EYA2: variants seen among roughly 807,000 people sequenced by gnomAD.
EYA2 encodes EYA transcriptional coactivator and phosphatase 2.
EYA2 carries 31 observed loss-of-function variants against 69.2 expected under a neutral mutation model. The ratio of observed to expected loss-of-function variants is 0.45; its 90% CI spans 0.34 to 0.60. The LOEUF (loss-of-function observed/expected upper bound fraction) is 0.60. Among genes scored for constraint, EYA2 ranks in the 20% least tolerant of loss-of-function variants. The pLI, the probability that EYA2 is intolerant of heterozygous loss-of-function variation, is 0.02. For missense variants in EYA2, 622 were observed against 701.2 expected, an observed-to-expected ratio of 0.89 and a Z score of 1.28; for synonymous variants, 257 against 279.4, an observed-to-expected ratio of 0.92 and a Z score of 0.80.
intron 10 of EYA2, among the ~76,000 whole-genome samples, chr20:47,158,059 CTT>C (rs1197489956): frequency 6.6e-6 from 1 of 152,006 alleles, no homozygotes; most frequent in Non-Finnish European, 1.5e-5. Flanking sequence ...CCCTGTGACT[CTT>C]TACAGAAGTT....
At chr20:47,160,234 G>A (rs77258463) in intron 10 of EYA2, among the ~76,000 whole-genome samples, 1,601 of 152,178 alleles carry the variant, frequency 0.011, 66 homozygotes, top group East Asian at 0.078. Context: ...CTACACCAGG[G>A]GTCAACAAAC....
At chr20:47,049,872 C>A (rs896980823) in intron 5 of EYA2, among the ~76,000 whole-genome samples, 1 of 148,254 alleles carries the variant, frequency 6.7e-6, no homozygotes, top group Non-Finnish European at 1.5e-5. Context: ...CCCCCCCCCA[C>A]CGCCACCAGT....
chr20:46,951,568 G>A (rs1402284527), intron 1 of EYA2, among the ~76,000 whole-genome samples: 1 of 152,182 alleles, frequency 6.6e-6, no homozygotes, highest in Non-Finnish European at 1.5e-5. Context: ...TCCCACAACA[G>A]CCCTGAAGGG....
At chr20:47,101,596 A>G (rs2032424897) in intron 9 of EYA2, among the ~76,000 whole-genome samples, 1 of 152,246 alleles carries the variant, frequency 6.6e-6, no homozygotes, top group African/African-American at 2.4e-5. Flanking sequence ...GAGGACAACT[A>G]GCAATTTCTA....
intron 6 of EYA2, among the ~76,000 whole-genome samples, chr20:47,072,981 A>G (rs985995192): frequency 1.3e-5 from 2 of 152,236 alleles, no homozygotes; most frequent in African/African-American, 4.8e-5. Context: ...AGCAAATGTA[A>G]AAATTGTTTC....
intron 9 of EYA2, among the ~76,000 whole-genome samples, chr20:47,133,731 C>T (rs1375782785): frequency 6.6e-6 from 1 of 152,184 alleles, no homozygotes; most frequent in African/African-American, 2.4e-5. Context: ...CAGGGGAGCA[C>T]GGACACTCCA....
intron 1 of EYA2, among the ~76,000 whole-genome samples, chr20:46,940,289 A>G (rs186252156): frequency 6.6e-6 from 1 of 152,304 alleles, no homozygotes; most frequent in East Asian, 1.9e-4. Flanking sequence ...TCACACATCA[A>G]CTCACATAAT....
chr20:47,062,731 G>A (rs1160560954), intron 5 of EYA2, among the ~76,000 whole-genome samples: 3 of 152,104 alleles, frequency 2.0e-5, no homozygotes, highest in East Asian at 3.8e-4. Flanking sequence ...AGCCTTCTGC[G>A]GTGAATCTCA....
chr20:46,907,638 A>G (rs986219375), intron 1 of EYA2, among the ~76,000 whole-genome samples: 1 of 152,240 alleles, frequency 6.6e-6, no homozygotes, highest in African/African-American at 2.4e-5. Context: ...CAGAAGTTCG[A>G]GACCAGCCTG....
At chr20:47,117,314 ATCT>A in intron 9 of EYA2, 1 of 959,426 alleles carries the variant, frequency 1.0e-6, no homozygotes, top group East Asian at 1.2e-4. Flanking sequence ...CCAGCCAAGC[ATCT>A]GCATTTAACT....
At chr20:46,931,940 G>T (rs1318837956) in intron 1 of EYA2, among the ~76,000 whole-genome samples, 1 of 150,604 alleles carries the variant, frequency 6.6e-6, no homozygotes, top group African/African-American at 2.5e-5. Context: ...GCCACAAATA[G>T]CTTGAACACT....
intron 9 of EYA2, among the ~76,000 whole-genome samples, chr20:47,103,980 T>G (rs1031433983): frequency 6.6e-6 from 1 of 152,238 alleles, no homozygotes; most frequent in Admixed American, 6.5e-5. Context: ...CTGGGCCACA[T>G]GGTAACTCTA....
rs184652636 is a variant in EYA2, at chr20:46,975,901, T to C, written c.-10-14100T>C. ...TTTTATTTTTTATTGTATGCCAAGC[T>C]CATATGAATGAGAATTCATCAAGCA... On this transcript the variant is annotated intron_variant, in intron 1 of 15. Coordinates refer to ENST00000327619, the MANE Select transcript of EYA2 (RefSeq NM_005244.5). 1.2e-3 allele frequency among the ~76,000 whole-genome samples: 188 copies of C among 152,272 alleles called. 2 individuals are homozygous for C. The highest frequency in any genetic ancestry group is 4.1e-4 in the South Asian group (2 of 4,824).
At chr20:46,987,647 G>A (rs1981319454) in intron 1 of EYA2, among the ~76,000 whole-genome samples, 1 of 151,980 alleles carries the variant, frequency 6.6e-6, no homozygotes, top group Non-Finnish European at 1.5e-5. Flanking sequence ...GGGGAGTGGG[G>A]CAAGCACAGT....
chr20:47,050,156 G>T (rs2030255003), intron 5 of EYA2, among the ~76,000 whole-genome samples: 2 of 152,200 alleles, frequency 1.3e-5, no homozygotes, highest in African/African-American at 2.4e-5. Flanking sequence ...TCCCAATGGG[G>T]CAAGGAGTCT....
chr20:47,168,736 C>A (rs550946305), intron 10 of EYA2, among the ~76,000 whole-genome samples: 1 of 152,252 alleles, frequency 6.6e-6, no homozygotes, highest in African/African-American at 2.4e-5. Flanking sequence ...GGGGGAACAC[C>A]TTTAGCGAGG....
intron 5 of EYA2, among the ~76,000 whole-genome samples, chr20:47,053,919 G>A (rs2030468757): frequency 2.0e-5 from 3 of 151,792 alleles, no homozygotes; most frequent in African/African-American, 4.8e-5. Context: ...GACTCAAGGC[G>A]GACTGCTGCA....
chr20:47,053,751 G>A (rs1390799248), intron 5 of EYA2, among the ~76,000 whole-genome samples: 1 of 151,318 alleles, frequency 6.6e-6, no homozygotes, highest in East Asian at 2.0e-4. Flanking sequence ...TGGTTCTTGG[G>A]AGATAGAAGA....
chr20:46,992,092 G>C (rs564294384), intron 2 of EYA2, among the ~76,000 whole-genome samples: 1 of 151,066 alleles, frequency 6.6e-6, no homozygotes, highest in Non-Finnish European at 1.5e-5. Context: ...TCTCCCTTTT[G>C]TCCTTAATTG....
Sources: gnomAD v4.1 joint callset for allele counts (sites outside exome capture counted in the v4.1 genomes callset) on GRCh38, gnomAD v4.1.1 for gene constraint, MANE v1.5 for transcripts, NCBI Gene and HGNC (gene_info 2026-07-23, HGNC 2026-07-21) for gene names.